The following NSDHL variants were observed in gnomAD, a reference collection of about 807,000 sequenced individuals.
The protein encoded by NSDHL is NAD(P) dependent 3-beta-hydroxysteroid dehydrogenase NSDHL.
NSDHL carries 1 observed loss-of-function variant against 23.0 expected under a neutral mutation model. That is an observed-to-expected ratio of 0.04 (90% confidence interval 0.02 to 0.21). The LOEUF is 0.21. Ranked by LOEUF, NSDHL falls within the 10% of genes least tolerant of loss-of-function variation. The probability of loss-of-function intolerance (pLI) is 1.00; values close to 1 mark genes in which losing one functional copy is unlikely to be tolerated. For synonymous variants in NSDHL, 128 were observed against 121.1 expected (o/e 1.06, Z -0.37); for missense variants, 237 against 300.9 (o/e 0.79, Z 1.57).
At chrX:152,845,692 A>C (rs1933260784) in intron 1 of NSDHL, among the ~76,000 whole-genome samples, 1 of 111,499 alleles carries the variant, frequency 9.0e-6, no homozygotes, top group Non-Finnish European at 1.9e-5. Context: ...ACGCATCGTC[A>C]GGGCGGCTTT....
At chrX:152,837,916 C>T (rs1376690907) in intron 1 of NSDHL, among the ~76,000 whole-genome samples, 3 of 111,560 alleles carry the variant, frequency 2.7e-5, no homozygotes, top group Non-Finnish European at 5.6e-5. Context: ...GCTGTGAATC[C>T]GTCCGGTCCT....
chrX:152,858,162 C>T (rs907055611), intron 3 of NSDHL, among the ~76,000 whole-genome samples: 1 of 111,642 alleles, frequency 9.0e-6, no homozygotes, highest in African/African-American at 3.3e-5. Context: ...GTGCTTTTAA[C>T]GTGACCCCGG....
At position 152,853,577 on chromosome X, in the gene NSDHL, G is replaced by A. The variant is rs186683886; in HGVS notation, c.267+3154G>A. 2.2e-3 allele frequency among the ~76,000 whole-genome samples: 249 copies of A among 111,603 alleles called. 1 individual carries two copies. The highest frequency in any genetic ancestry group is 7.8e-3 in the African/African-American group (238 of 30,695). ...CCTCTGTACAGAAGCCTCCAGTGGC[G>A]TCCAGTCCCATGTCAAGCAAACAGA... On this transcript the variant is annotated intron_variant, in intron 3 of 7. Transcript: ENST00000370274.
At chrX:152,848,222 A>G (rs1375914726) in intron 2 of NSDHL, among the ~76,000 whole-genome samples, 1 of 111,658 alleles carries the variant, frequency 9.0e-6, no homozygotes, top group African/African-American at 3.3e-5. Flanking sequence ...GTAACCCATT[A>G]TGGAGTCTTG....
At position 152,869,233 on chromosome X, in the gene NSDHL, C is replaced by A; in HGVS notation, c.*117C>A. The A allele has an allele frequency of 1.6e-6, 1 of 629,872 alleles. No homozygotes were observed. Among genetic ancestry groups the A allele is most frequent in the Non-Finnish European group, 2.6e-6 (1 of 389,188 alleles). The allele number at this position is 629,872 out of a possible 1,213,427, so 51.9% of individuals were successfully genotyped here. On this transcript the variant is annotated 3_prime_UTR_variant, in exon 8 of 8. Transcript: ENST00000370274. Reference sequence around the variant, plus strand: ...TGCTCTGAGCCTGTGACTCCTTCTGCTAGGCAGAGAGCGCACCCTACTCTT... The same window carrying A: ...TGCTCTGAGCCTGTGACTCCTTCTGATAGGCAGAGAGCGCACCCTACTCTT...
intron 3 of NSDHL, among the ~76,000 whole-genome samples, chrX:152,856,915 G>A (rs1484665686): frequency 1.1e-4 from 12 of 112,449 alleles, no homozygotes; most frequent in Admixed American, 4.7e-4. Context: ...AAAATTAGCC[G>A]GGCATGGTGG....
At chrX:152,842,773 A>T (rs906275465) in intron 1 of NSDHL, among the ~76,000 whole-genome samples, 2 of 112,450 alleles carry the variant, frequency 1.8e-5, no homozygotes, top group African/African-American at 6.5e-5. Context: ...AAGTACTGAG[A>T]TTACATGCGT....
intron 6 of NSDHL, among the ~76,000 whole-genome samples, chrX:152,867,034 G>T (rs56344265): frequency 0.14 from 15,577 of 111,230 alleles, 901 homozygotes; most frequent in African/African-American, 0.19. Flanking sequence ...CGGGTTAAGT[G>T]CAGGTGGAGG....
At chrX:152,844,506 A>G (rs1448767935) in intron 1 of NSDHL, among the ~76,000 whole-genome samples, 4 of 112,649 alleles carry the variant, frequency 3.6e-5, no homozygotes, top group South Asian at 3.7e-4. Flanking sequence ...GCAGAGGTCA[A>G]TAAGGCCTTG....
At chrX:152,857,870 T>A (rs1201644032) in intron 3 of NSDHL, among the ~76,000 whole-genome samples, 2 of 111,916 alleles carry the variant, frequency 1.8e-5, no homozygotes, top group African/African-American at 3.3e-5. Context: ...ATCATGTGAT[T>A]GTATGTAGAG....
intron 3 of NSDHL, 75 bp from the exon 4 acceptor site, chrX:152,858,695 G>A: frequency 1.1e-6 from 1 of 934,054 alleles, no homozygotes; most frequent in Non-Finnish European, 1.6e-6. Flanking sequence ...GCCACAGGTT[G>A]GAGGGTGAAA....
intron 1 of NSDHL, among the ~76,000 whole-genome samples, chrX:152,834,524 A>G (rs1473496420): frequency 8.9e-6 from 1 of 112,839 alleles, no homozygotes; most frequent in Non-Finnish European, 1.9e-5. Context: ...CACTAATCCT[A>G]ATCTGGGTAT....
intron 3 of NSDHL, among the ~76,000 whole-genome samples, chrX:152,853,405 C>G (rs1412267420): frequency 3.6e-5 from 4 of 111,359 alleles, no homozygotes; most frequent in African/African-American, 6.5e-5. Context: ...TCCCATCCAT[C>G]AGGAAATCTT....
chrX:152,843,301 C>T (rs782372799), intron 1 of NSDHL, among the ~76,000 whole-genome samples: 2 of 111,779 alleles, frequency 1.8e-5, no homozygotes, highest in East Asian at 2.8e-4. Flanking sequence ...ATTTGGATTT[C>T]GGCACTACAA....
intron 2 of NSDHL, among the ~76,000 whole-genome samples, 197 bp downstream of exon 2, chrX:152,846,629 T>G (rs1235806309): frequency 1.8e-5 from 2 of 112,970 alleles, no homozygotes; most frequent in East Asian, 5.5e-4. Context: ...ACCATTTCTT[T>G]GCTTATGACT....
chrX:152,844,639 G>A (rs782245669), intron 1 of NSDHL, among the ~76,000 whole-genome samples: 2 of 112,663 alleles, frequency 1.8e-5, no homozygotes, highest in East Asian at 2.8e-4. Flanking sequence ...GTGGGCATTC[G>A]TGATTATATC....
intron 4 of NSDHL, 44 bp downstream of exon 4, chrX:152,858,960 G>A (rs782816773): frequency 3.5e-6 from 4 of 1,131,155 alleles, no homozygotes. Flanking sequence ...GCACGTGATG[G>A]CCCTTTCTAA....
chrX:152,846,468 T>A, intron 2 of NSDHL, 36 bp downstream of exon 2: 2 of 916,234 alleles, frequency 2.2e-6, no homozygotes, highest in Non-Finnish European at 3.2e-6. Flanking sequence ...ACCAACAGGC[T>A]GATACTATTT....
Position 152,868,133 on chromosome X carries a change from A to AT in NSDHL, c.789+470dup, listed in dbSNP as rs368924756. Among the ~76,000 whole-genome samples, 579 of 93,903 alleles carry AT rather than the reference A, an allele frequency of 6.2e-3. 7 individuals are homozygous for AT. The highest frequency in any genetic ancestry group is 0.021 in the African/African-American group (535 of 25,217). 81.5% of individuals were successfully genotyped at this position (93,903 alleles called of 115,157 possible). On this transcript the variant is annotated intron_variant, in intron 7 of 7. Coordinates refer to ENST00000370274, the MANE Select transcript of NSDHL (RefSeq NM_015922.3). Reference sequence around the variant, plus strand: ...AAGTTGGGAATAGGGTGGGTGTGGCATTTTTTTTTTCTTTTTTTTTTTTTG... The same window carrying AT: ...AAGTTGGGAATAGGGTGGGTGTGGCATTTTTTTTTTTCTTTTTTTTTTTTTG...
Sources: allele counts gnomAD v4.1 joint callset (sites outside exome capture counted in the v4.1 genomes callset), GRCh38; gene constraint gnomAD v4.1.1; transcripts MANE v1.5; gene names NCBI Gene and HGNC (gene_info 2026-07-23, HGNC 2026-07-21).